The following AGMAT variants were observed in gnomAD, a reference collection of about 807,000 sequenced individuals.
AGMAT encodes guanidino acid hydrolase, mitochondrial.
In AGMAT, 37 loss-of-function variants were observed where a neutral mutation model predicts 29.3. The observed-to-expected ratio is 1.26, with a 90% CI of 0.97 to 1.66. The LOEUF is 1.66. Ranked by LOEUF, AGMAT falls within the 40% of genes most tolerant of loss-of-function variation. The pLI is 0.00. For synonymous variants in AGMAT, 199 were observed against 200.8 expected, an observed-to-expected ratio of 0.99 and a Z score of 0.08; for missense variants, 498 against 497.8, an observed-to-expected ratio of 1.00 and a Z score of 0.00.
Position 15,577,778 on chromosome 1 carries a change from T to C in AGMAT, c.807A>G (p.Lys269=). 6.2e-7 allele frequency: 1 copy of C among 1,614,122 alleles called. No homozygotes were observed. The highest frequency in any genetic ancestry group is 8.5e-7 in the Non-Finnish European group (1 of 1,180,026). The part of the protein sequence containing the change: ...MGEVRQQMGG[K]PIYISFDIDA... ...CAATATCAAAGCTGATATAAATGGG[T>C]TTGCCTCCCATCTGCTGCCTGACTT... The change falls in exon 5 of 7, where the codon AAA becomes AAG. Residue 269 remains lysine, a synonymous_variant. Coordinates refer to ENST00000375826, the MANE Select transcript of AGMAT (RefSeq NM_024758.5).
rs1639011642 is a variant in AGMAT, at chr1:15,574,824, C to A, written c.918G>T (p.Arg306Ser). 5.6e-6 allele frequency: 9 copies of A among 1,613,890 alleles called. No homozygotes were observed. Among genetic ancestry groups the A allele is most frequent in the Non-Finnish European group, 7.6e-6 (9 of 1,179,820 alleles). The change falls in exon 6 of 7, where the codon AGG (arginine) becomes AGT (serine). Residue 306 changes from arginine (R) to serine (S), a missense_variant. Arg to Ser is a moderately radical substitution (Grantham distance 110). Transcript: ENST00000375826. The stretch of plus-strand genomic sequence containing the variant: ...CCATCACGTTCAGGCCTTGACAACC[C>A]CTGATGATCTCCAGAGCCTATTCAA... ...LTPSQALEII[R>S]GCQGLNVMGC...
intron 5 of AGMAT, among the ~76,000 whole-genome samples, 171 bp downstream of exon 5, chr1:15,577,514 A>G: frequency 6.6e-6 from 1 of 152,182 alleles, no homozygotes; most frequent in South Asian, 2.1e-4. Flanking sequence ...CGGAGGTTGC[A>G]GTGAGCCGAG....
intron 2 of AGMAT, among the ~76,000 whole-genome samples, chr1:15,580,769 A>T (rs558246503): frequency 6.6e-6 from 1 of 152,050 alleles, no homozygotes; most frequent in East Asian, 2.0e-4. Context: ...TGATGTTGGG[A>T]GTTCAAGACC....
Position 15,584,971 on chromosome 1 carries a change from C to G in AGMAT, c.-4G>C, listed in dbSNP as rs111666603. 1.5e-6 allele frequency: 2 copies of G among 1,329,172 alleles called. No individual in the cohort carries two copies. Among genetic ancestry groups the G allele is most frequent in the Admixed American group, 4.2e-5 (1 of 24,088 alleles). 82.3% of individuals were successfully genotyped at this position (1,329,172 alleles called of 1,614,324 possible). A position where few individuals can be genotyped will look rare whatever the true frequency, so the allele number is the denominator to read the frequency against. ...CGGACGCCAGCAGCCTCAGCATTGC[C>G]GCGCGCGGCCAAGACCTCACCGACC... On this transcript the variant is annotated 5_prime_UTR_variant, in exon 1 of 7. Transcript: ENST00000375826.
At chr1:15,584,081 C>T (rs993566894) in intron 1 of AGMAT, among the ~76,000 whole-genome samples, 1 of 152,214 alleles carries the variant, frequency 6.6e-6, no homozygotes, top group African/African-American at 2.4e-5. Context: ...GAGGAATCCA[C>T]AGCAGCCATC....
intron 2 of AGMAT, among the ~76,000 whole-genome samples, 175 bp downstream of exon 2, chr1:15,583,018 G>A (rs985270024): frequency 6.6e-6 from 1 of 152,060 alleles, no homozygotes; most frequent in African/African-American, 2.4e-5. Flanking sequence ...ACACACACAC[G>A]TGAAATATTC....
chr1:15,573,778 A>C (rs775648627), intron 6 of AGMAT, 54 bp from the exon 7 acceptor site: 32 of 1,504,926 alleles, frequency 2.1e-5, no homozygotes, highest in Non-Finnish European at 2.8e-5. Context: ...CGCTGAGCCA[A>C]GCCTTGGGAC....
At chr1:15,583,785 G>T (rs1281215207) in intron 1 of AGMAT, among the ~76,000 whole-genome samples, 1 of 152,162 alleles carries the variant, frequency 6.6e-6, no homozygotes, top group South Asian at 2.1e-4. Flanking sequence ...ATTAAATGAG[G>T]TAATCTATGC....
intron 2 of AGMAT, among the ~76,000 whole-genome samples, chr1:15,582,309 G>A (rs1486493300): frequency 2.6e-5 from 4 of 151,590 alleles, no homozygotes; most frequent in African/African-American, 7.3e-5. Context: ...GCTTGATGCT[G>A]GGCATTTCAT....
Position 15,577,861 on chromosome 1 carries a change from A to C in AGMAT, c.724T>G (p.Phe242Val). Reference sequence around the variant, plus strand: ...CAGTCTTCAGCCAGGACTACCCGGAAGCCCTGCAGAGACAGGGACTGAGGT... The same window carrying C: ...CAGTCTTCAGCCAGGACTACCCGGACGCCCTGCAGAGACAGGGACTGAGGT... ...DPYRYNRSQG[F>V]RVVLAEDCWM... The change falls in exon 5 of 7, where the codon TTC becomes GTC. Residue 242 changes from phenylalanine to valine, a missense_variant. Transcript: ENST00000375826. The C allele has an allele frequency of 6.2e-7, 1 of 1,613,818 alleles. No individual in the cohort carries two copies. The highest frequency in any genetic ancestry group is 1.7e-4 in the Middle Eastern group (1 of 6,040).
At chr1:15,581,315 C>T (rs1180993165) in intron 2 of AGMAT, among the ~76,000 whole-genome samples, 1 of 152,112 alleles carries the variant, frequency 6.6e-6, no homozygotes, top group Non-Finnish European at 1.5e-5. Context: ...CACCACTGCA[C>T]TCCAGCCTGG....
intron 5 of AGMAT, 74 bp from the exon 6 acceptor site, chr1:15,574,915 C>G (rs1639016000): frequency 8.6e-7 from 1 of 1,161,206 alleles, no homozygotes; most frequent in Admixed American, 1.8e-5. Flanking sequence ...GAGCTTTTCC[C>G]AGCCCACGCC....
rs542645314 is a variant in AGMAT at position 15,573,267 on chromosome 1, A to G, written c.*384T>C. ...AGCAAAACTCTATCTCAAAAAAAAA[A>G]ATGTTTAAAAGGAAGATATAGAAAT... On this transcript the variant is annotated 3_prime_UTR_variant, in exon 7 of 7. Transcript: ENST00000375826. 235 of 158,620 alleles carry G rather than the reference A, an allele frequency of 1.5e-3. 1 individual carries two copies. The highest frequency in any genetic ancestry group is 3.4e-3 in the Admixed American group (54 of 16,002). 9.8% of individuals were successfully genotyped at this position (158,620 alleles called of 1,614,324 possible). A position where few individuals can be genotyped will look rare whatever the true frequency, so the allele number is the denominator to read the frequency against.
rs1350225517 is a variant in AGMAT at position 15,585,006 on chromosome 1, G to A, written c.-39C>T. Reference sequence around the variant, plus strand: ...CAAGACCTCACCGACCAAACCGCCCGCGAGGCCGCCGCGATCTGGCTGGTC... The same window carrying A: ...CAAGACCTCACCGACCAAACCGCCCACGAGGCCGCCGCGATCTGGCTGGTC... On this transcript the variant is annotated 5_prime_UTR_variant, in exon 1 of 7. Coordinates refer to ENST00000375826, the MANE Select transcript of AGMAT (RefSeq NM_024758.5). 2 of 1,279,692 alleles carry A rather than the reference G, an allele frequency of 1.6e-6. No individual in the cohort carries two copies. Among genetic ancestry groups the A allele is most frequent in the East Asian group, 3.2e-5 (1 of 31,370 alleles). 79.3% of individuals were successfully genotyped at this position (1,279,692 alleles called of 1,614,324 possible).
intron 2 of AGMAT, among the ~76,000 whole-genome samples, chr1:15,582,651 G>A (rs1320635835): frequency 6.6e-6 from 1 of 152,206 alleles, no homozygotes; most frequent in Non-Finnish European, 1.5e-5. Context: ...TGTAGACCCT[G>A]AGCAGGACAA....
At chr1:15,577,971 C>G in intron 4 of AGMAT, 107 bp from the exon 5 acceptor site, 6 of 1,077,568 alleles carry the variant, frequency 5.6e-6, no homozygotes, top group Non-Finnish European at 7.9e-6. Flanking sequence ...GACCCTCCAT[C>G]TCCATGAAGA....
rs569178340 is a variant in AGMAT, at chr1:15,578,447, G to A, written c.720+412C>T. ...GTAGCTGGGATTACAGGTGCGCACC[G>A]CCACACCTGGCTAATTTTTGTATTT... is the stretch of plus-strand genomic sequence containing the variant. On this transcript the variant is annotated intron_variant, in intron 4 of 6. Transcript: ENST00000375826. 3.9e-5 allele frequency among the ~76,000 whole-genome samples: 6 copies of A among 152,000 alleles called. No homozygotes were observed. In the South Asian group the frequency reaches 1.0e-3, roughly 26 times the overall value.
rs1431431368 is a variant in AGMAT at position 15,572,133 on chromosome 1, A to C, written c.*1518T>G. Among the ~76,000 whole-genome samples the C allele has an allele frequency of 7.6e-6, 1 of 131,360 alleles. No homozygotes were observed. The highest frequency in any genetic ancestry group is 3.0e-5 in the African/African-American group (1 of 33,290). The allele number at this position is 131,360 out of a possible 152,430, so 86.2% of individuals were successfully genotyped here. A position where few individuals can be genotyped will look rare whatever the true frequency, so the allele number is the denominator to read the frequency against. On this transcript the variant is annotated 3_prime_UTR_variant, in exon 7 of 7. Transcript: ENST00000375826. ...GCACTCCAGCCTGGGGGACAGAGCG[A>C]GACTCCATCTCAGAAAAAAAAAAAA...
At chr1:15,584,674 G>A in intron 1 of AGMAT, 22 bp downstream of exon 1, 5 of 1,301,018 alleles carry the variant, frequency 3.8e-6, no homozygotes, top group Non-Finnish European at 3.9e-6. Flanking sequence ...CGTGTACCCG[G>A]CCCCCGTCCT....
Sources: gnomAD v4.1 joint callset for allele counts (sites outside exome capture counted in the v4.1 genomes callset) on GRCh38, gnomAD v4.1.1 for gene constraint, MANE v1.5 for transcripts, NCBI Gene and HGNC (gene_info 2026-07-23, HGNC 2026-07-21) for gene names.